Variants in RAB37 observed in about 807,000 individuals in gnomAD.
RAB37 encodes RAB37, member RAS oncogene family.
RAB37 carries 29 observed loss-of-function variants against 33.1 expected under a neutral mutation model. The observed-to-expected ratio is 0.88, with a 90% CI of 0.65 to 1.20. The LOEUF is 1.20. RAB37 is among the 50% of genes most tolerant of loss of function. The pLI, the probability that RAB37 is intolerant of heterozygous loss-of-function variation, is 0.00. For synonymous variants in RAB37, 128 were observed against 119.5 expected, an observed-to-expected ratio of 1.07 and a Z score of -0.47; for missense variants, 299 against 301.1, an observed-to-expected ratio of 0.99 and a Z score of 0.05.
At chr17:74,698,244 G>T in intron 1 of RAB37, 1 of 723,492 alleles carries the variant, frequency 1.4e-6, no homozygotes, top group Non-Finnish European at 2.3e-6. Context: ...GCCAGCTGCT[G>T]AGGGCCTTTG....
At position 74,681,167 on chromosome 17, in the gene RAB37, G is replaced by C. The variant is rs533688892; in HGVS notation, c.72+9509G>C. ...CTGACTGCAGCTCAGTGTGCCACGT[G>C]GACCTTGGTGCCCATGAAGGTCAAA... is the stretch of plus-strand genomic sequence containing the variant. On this transcript the variant is annotated intron_variant, in intron 1 of 7. Coordinates refer to the RAB37 transcript ENST00000340415. 3.9e-5 allele frequency among the ~76,000 whole-genome samples: 6 copies of C among 152,346 alleles called. No individual in the cohort carries two copies. The South Asian group carries it at 1.2e-3, about 32-fold the overall frequency.
chr17:74,683,144 G>A (rs1330589423), intron 1 of RAB37, among the ~76,000 whole-genome samples: 1 of 152,220 alleles, frequency 6.6e-6, no homozygotes, highest in Admixed American at 6.5e-5. Context: ...AACTGGATTT[G>A]GGTTATTAAT....
chr17:74,739,836 C>A (rs1218806773), intron 1 of RAB37, among the ~76,000 whole-genome samples: 1 of 152,038 alleles, frequency 6.6e-6, no homozygotes, highest in Non-Finnish European at 1.5e-5. Context: ...CGGCCTCATG[C>A]AACCTTTTAA....
Position 74,714,082 on chromosome 17 carries a change from T to G in RAB37, c.73-15174T>G, listed in dbSNP as rs146608959. Among the ~76,000 whole-genome samples the G allele has an allele frequency of 2.9e-3, 433 of 151,872 alleles. 2 individuals carry two copies. The highest frequency in any genetic ancestry group is 0.014 in the Middle Eastern group (4 of 294). On this transcript the variant is annotated intron_variant, in intron 1 of 7. Transcript: ENST00000340415. The stretch of plus-strand genomic sequence containing the variant: ...AAAAATTAGCTGGGCGTGGTAGCAT[T>G]CACCTGTAATCCCAGTGACTCGGGA...
At chr17:74,695,384 C>A in intron 1 of RAB37, 1 of 1,078,644 alleles carries the variant, frequency 9.3e-7, no homozygotes, top group Non-Finnish European at 1.3e-6. Context: ...CTCCAGCTTC[C>A]CCCTTCACTC....
In RAB37 at chr17:74,745,035, A is replaced by C. The variant is rs1375693483; in HGVS notation, c.517A>C (p.Ser173Arg). The C allele has an allele frequency of 6.2e-7, 1 of 1,614,236 alleles. No homozygotes were observed. The highest frequency in any genetic ancestry group is 2.2e-5 in the East Asian group (1 of 44,886). The change falls in exon 8 of 9, where the codon AGC becomes CGC. Residue 173 changes from serine (S) to arginine (R), a missense_variant. Coordinates refer to ENST00000392613, the MANE Select transcript of RAB37 (RefSeq NM_001006638.3). This position sits in a 1 kb window ranked among gnomAD's most constrained non-coding sequence, Gnocchi z 4.5. ...GTACGGTGTTCCCTTCCTGGAGACCAGCGCCAAGACTGGCATGAATGTGGA... is the reference window on the plus strand; with the variant it reads ...GTACGGTGTTCCCTTCCTGGAGACCCGCGCCAAGACTGGCATGAATGTGGA... ...REYGVPFLETSAKTGMNVELA... is the reference protein window; with the variant it reads ...REYGVPFLETRAKTGMNVELA...
chr17:74,736,939 C>A, upstream of RAB37: 1 of 1,512,598 alleles, frequency 6.6e-7, no homozygotes. Flanking sequence ...TCTTCCGCAG[C>A]AGACGGGGTC....
In RAB37 at chr17:74,729,034, C is replaced by T. The variant is rs916422474; in HGVS notation, c.73-222C>T. Among the ~76,000 whole-genome samples the T allele has an allele frequency of 7.3e-5, 11 of 150,314 alleles. No individual in the cohort carries two copies. The highest frequency in any genetic ancestry group is 2.2e-4 in the African/African-American group (9 of 40,792). ...TGTGTGTATGTGTGTTCTGTGTGTG[C>T]ATATATGTTTGTGTGTGCATGGGTG... is the stretch of plus-strand genomic sequence containing the variant. On this transcript the variant is annotated intron_variant, in intron 1 of 7. Coordinates refer to the RAB37 transcript ENST00000340415. This position sits in a 1 kb window ranked among gnomAD's most constrained non-coding sequence, Gnocchi z 4.2.
At chr17:74,705,864 G>A (rs2033461612) in intron 1 of RAB37, among the ~76,000 whole-genome samples, 1 of 152,122 alleles carries the variant, frequency 6.6e-6, no homozygotes, top group Non-Finnish European at 1.5e-5. Flanking sequence ...CAAAGTGTTG[G>A]GATTACAGGC....
At chr17:74,702,433 G>C (rs1164535482) in intron 1 of RAB37, among the ~76,000 whole-genome samples, 1 of 152,208 alleles carries the variant, frequency 6.6e-6, no homozygotes, top group Non-Finnish European at 1.5e-5. Flanking sequence ...TCCACATGGG[G>C]TGGTTGTAGG....
At chr17:74,688,292 G>A (rs1214789284) in intron 1 of RAB37, among the ~76,000 whole-genome samples, 2 of 152,226 alleles carry the variant, frequency 1.3e-5, no homozygotes, top group East Asian at 3.9e-4. Flanking sequence ...GCTCACGTCT[G>A]TAATCCCAGC....
chr17:74,712,477 G>A (rs1358918580), intron 1 of RAB37, among the ~76,000 whole-genome samples: 1 of 152,078 alleles, frequency 6.6e-6, no homozygotes, highest in African/African-American at 2.4e-5. Context: ...ACACCTCCAC[G>A]CAGGTGACAG....
intron 1 of RAB37, chr17:74,673,115 G>C (rs939864232): frequency 6.6e-6 from 1 of 152,180 alleles, no homozygotes; most frequent in Non-Finnish European, 1.5e-5. Context: ...AGTAAAAACT[G>C]CATGCAAGGC....
At chr17:74,706,696 C>T (rs574864763) in intron 1 of RAB37, among the ~76,000 whole-genome samples, 2 of 152,150 alleles carry the variant, frequency 1.3e-5, no homozygotes, top group South Asian at 4.2e-4. Flanking sequence ...AAACAAAAAC[C>T]AGCAGTTCAA....
upstream of RAB37, chr17:74,736,654 A>C: frequency 7.2e-6 from 11 of 1,535,514 alleles, no homozygotes; most frequent in Non-Finnish European, 9.6e-6. Context: ...GGGAAATGAG[A>C]GGTGATCCAT....
intron 1 of RAB37, among the ~76,000 whole-genome samples, chr17:74,674,770 A>C (rs1203806316): frequency 6.6e-6 from 1 of 152,212 alleles, no homozygotes; most frequent in African/African-American, 2.4e-5. Context: ...ATACCTGTGC[A>C]ATCACTATCA....
intron 1 of RAB37, among the ~76,000 whole-genome samples, chr17:74,715,109 T>G (rs1321367924): frequency 6.6e-6 from 1 of 151,864 alleles, no homozygotes; most frequent in Non-Finnish European, 1.5e-5. Flanking sequence ...GCAACAAGAG[T>G]GAAACTCCAT....
At chr17:74,696,055 C>T in intron 1 of RAB37, 1 of 1,282,552 alleles carries the variant, frequency 7.8e-7, no homozygotes, top group East Asian at 2.3e-5. Flanking sequence ...CCTCAGCCCC[C>T]AGGCCCTGCA....
rs1166134546 is a variant in RAB37, at chr17:74,738,869, T to G, written c.93+1504T>G. The stretch of plus-strand genomic sequence containing the variant: ...GCAGACAGTTCCCACCCTGGGCCAC[T>G]CTTCCCTGGGTCTTAGGTGATTCAC... On this transcript the variant is annotated intron_variant, in intron 1 of 8. Transcript: ENST00000392613. This position sits in a 1 kb window ranked among gnomAD's most constrained non-coding sequence, Gnocchi z 5.0. Among the ~76,000 whole-genome samples the G allele has an allele frequency of 1.3e-5, 2 of 152,176 alleles. No homozygotes were observed. Among genetic ancestry groups the G allele is most frequent in the Non-Finnish European group, 2.9e-5 (2 of 68,006 alleles).
Sources: gnomAD v4.1 joint callset for allele counts (sites outside exome capture counted in the v4.1 genomes callset) on GRCh38, gnomAD v4.1.1 for gene constraint, Gnocchi (gnomAD v3.1) non-coding constraint, MANE v1.5 for transcripts, NCBI Gene and HGNC (gene_info 2026-07-23, HGNC 2026-07-21) for gene names.